The following ATAD2B variants were observed in gnomAD, a reference collection of about 807,000 sequenced individuals.
ATAD2B encodes ATPase family AAA domain-containing protein 2B.
ATAD2B carries 40 observed loss-of-function variants against 167.6 expected under a neutral mutation model. The observed-to-expected ratio is 0.24, with a 90% CI of 0.19 to 0.31. The LOEUF (loss-of-function observed/expected upper bound fraction) is 0.31, where lower values mean the gene tolerates loss of function less well. ATAD2B is among the 10% of genes least tolerant of loss of function. The pLI is 1.00. For synonymous variants in ATAD2B, 579 were observed against 596.5 expected (o/e 0.97, Z 0.43); for missense variants, 1,242 against 1,757.2 (o/e 0.71, Z 5.24).
chr2:23,758,417 A>G (rs1676213773), intron 24 of ATAD2B, among the ~76,000 whole-genome samples: 1 of 152,246 alleles, frequency 6.6e-6, no homozygotes. Context: ...AAAGCCACGC[A>G]TATAATATAC....
rs145915361 is a variant in ATAD2B, at chr2:23,801,841, C to T, written c.2455-3518G>A. 3.9e-5 allele frequency among the ~76,000 whole-genome samples: 6 copies of T among 152,144 alleles called. No homozygotes were observed. In the East Asian group the frequency reaches 1.2e-3, roughly 29 times the overall value. On this transcript the variant is annotated intron_variant, in intron 18 of 27. Transcript: ENST00000238789. ...GGAAGCACTCATGATATAACTCTTG[C>T]ACTTACAAGAGTTCTAATCATCTCA... is the stretch of plus-strand genomic sequence containing the variant.
At chr2:23,687,293 C>G in the ATAD2B span, among the ~76,000 whole-genome samples, 1 of 152,178 alleles carries the variant, frequency 6.6e-6, no homozygotes, top group Non-Finnish European at 1.5e-5. Flanking sequence ...CTGCTGTCCC[C>G]GCATCCCCAG....
the ATAD2B span, among the ~76,000 whole-genome samples, chr2:23,712,611 C>T: frequency 1.3e-5 from 2 of 152,168 alleles, no homozygotes; most frequent in Non-Finnish European, 2.9e-5. Context: ...AAGGGAATAT[C>T]ATGACCTTGG....
In ATAD2B at chr2:23,885,053, T is replaced by G. The variant is rs575439695; in HGVS notation, c.676-180A>C. On this transcript the variant is annotated intron_variant, in intron 5 of 27. Transcript: ENST00000238789. ...TGTAAGAAATAAAAGGGAAAACACT[T>G]ACAATAAACTTATAAAAATGTAAAA... is the stretch of plus-strand genomic sequence containing the variant. Among the ~76,000 whole-genome samples, 20 of 152,310 alleles carry G rather than the reference T, an allele frequency of 1.3e-4. No homozygotes were observed. In the South Asian group the frequency reaches 4.1e-3, roughly 32 times the overall value.
intron 1 of ATAD2B, among the ~76,000 whole-genome samples, chr2:23,919,060 C>T (rs184021201): frequency 2.2e-4 from 33 of 152,172 alleles, no homozygotes; most frequent in Non-Finnish European, 4.3e-4. Flanking sequence ...GAAAGATTGT[C>T]GGCTAGGCAT....
At chr2:23,850,356 C>G (rs1349862042) in intron 13 of ATAD2B, among the ~76,000 whole-genome samples, 1 of 151,982 alleles carries the variant, frequency 6.6e-6, no homozygotes, top group Non-Finnish European at 1.5e-5. Context: ...GAATACATGT[C>G]AAAAACTGTG....
rs541425346 is a variant in ATAD2B, at chr2:23,791,807, C to T, written c.2641-3160G>A. ...CAATGGACACTGAGGATGTTTCCAC[C>T]TTTTGGTTACTATGAATGATGCTGT... On this transcript the variant is annotated intron_variant, in intron 19 of 27. Transcript: ENST00000238789. Among the ~76,000 whole-genome samples the T allele has an allele frequency of 1.8e-4, 28 of 152,204 alleles. No homozygotes were observed. In the East Asian group the frequency reaches 5.4e-3, roughly 29 times the overall value.
At chr2:23,877,228 C>T (rs1297064069) in intron 7 of ATAD2B, among the ~76,000 whole-genome samples, 3 of 151,854 alleles carry the variant, frequency 2.0e-5, no homozygotes, top group Non-Finnish European at 2.9e-5. Flanking sequence ...CTAGGCAACG[C>T]GGTAAGAACC....
At chr2:23,722,564 TGAA>T in the ATAD2B span, among the ~76,000 whole-genome samples, 2 of 151,982 alleles carry the variant, frequency 1.3e-5, no homozygotes, top group Admixed American at 1.3e-4. Context: ...CAAAAAAGAA[TGAA>T]GAAGATTTAT....
chr2:23,735,815 C>G, the ATAD2B span, among the ~76,000 whole-genome samples: 1 of 152,138 alleles, frequency 6.6e-6, no homozygotes, highest in Non-Finnish European at 1.5e-5. Flanking sequence ...TGAAAGAAAG[C>G]CCAACTCCAT....
At chr2:23,682,925 A>G in the ATAD2B span, among the ~76,000 whole-genome samples, 1 of 151,342 alleles carries the variant, frequency 6.6e-6, no homozygotes, top group East Asian at 2.0e-4. The surrounding 1 kb of genome is among the most constrained non-coding windows in gnomAD (Gnocchi z 4.1). Context: ...AGGGCCCCCA[A>G]CCCCGATCCC....
chr2:23,921,002 C>T (rs542542277), intron 1 of ATAD2B, among the ~76,000 whole-genome samples: 7 of 151,980 alleles, frequency 4.6e-5, no homozygotes, highest in African/African-American at 1.2e-4. Context: ...GTCAGGAGTT[C>T]GAGACCAGCC....
chr2:23,872,762 C>T (rs1211520944), intron 8 of ATAD2B: 2 of 964,248 alleles, frequency 2.1e-6, no homozygotes, highest in Non-Finnish European at 1.7e-6. Flanking sequence ...GCACCAAGTC[C>T]TCACTACAGG....
intron 22 of ATAD2B, among the ~76,000 whole-genome samples, chr2:23,768,263 A>G (rs2712072): frequency 0.99 from 150,813 of 152,242 alleles, 74,711 homozygotes; most frequent in East Asian, 1. Flanking sequence ...GGCCAGGGGA[A>G]GTGATCGTGC....
At chr2:23,690,373 A>C in the ATAD2B span, 1 of 152,170 alleles carries the variant, frequency 6.6e-6, no homozygotes, top group South Asian at 2.1e-4. Context: ...CCAGGCACCC[A>C]GTGCCCCCAG....
At chr2:23,882,821 C>CA (rs1427003510) in intron 6 of ATAD2B, among the ~76,000 whole-genome samples, 2 of 141,352 alleles carry the variant, frequency 1.4e-5, no homozygotes, top group Admixed American at 1.4e-4. Context: ...ACAACAACAA[C>CA]AACAAAAAAA....
intron 1 of ATAD2B, among the ~76,000 whole-genome samples, chr2:23,925,205 C>T (rs1704541693): frequency 6.6e-6 from 1 of 152,206 alleles, no homozygotes; most frequent in South Asian, 2.1e-4. Context: ...GTTTGCACAA[C>T]TTTCAGATTT....
At chr2:23,777,430 A>G (rs369455592) in intron 22 of ATAD2B, among the ~76,000 whole-genome samples, 11 of 152,168 alleles carry the variant, frequency 7.2e-5, no homozygotes, top group African/African-American at 2.7e-4. Context: ...TCATCTTTGT[A>G]GTCTAGGCAC....
chr2:23,695,990 T>C, the ATAD2B span: 2 of 1,551,608 alleles, frequency 1.3e-6, no homozygotes, highest in South Asian at 1.2e-5. This position sits in a 1 kb window ranked among gnomAD's most constrained non-coding sequence, Gnocchi z 7.6. Flanking sequence ...GGCCGTCAGA[T>C]GGTGGGGATG....
Sources: gnomAD v4.1 joint callset for allele counts (sites outside exome capture counted in the v4.1 genomes callset) on GRCh38, gnomAD v4.1.1 for gene constraint, Gnocchi (gnomAD v3.1) non-coding constraint, MANE v1.5 for transcripts, NCBI Gene and HGNC (gene_info 2026-07-23, HGNC 2026-07-21) for gene names.